Variants in RASA4B observed in about 807,000 individuals in gnomAD.
RASA4B encodes the protein RAS p21 protein activator 4B.
In RASA4B, 2 loss-of-function variants were observed where a neutral mutation model predicts 24.2. That is an observed-to-expected ratio of 0.08 (90% CI 0.03 to 0.26). The LOEUF is 0.26. Ranked by LOEUF, RASA4B falls within the 10% of genes least tolerant of loss-of-function variation. RASA4B has a pLI of 1.00. For synonymous variants in RASA4B, 2 were observed against 125.6 expected (o/e 0.02, Z 6.58); for missense variants, 8 against 277.2 (o/e 0.03, Z 6.90).
In RASA4B at chr7:102,482,142, C is replaced by T. The variant is rs1161521901; in HGVS notation, c.*1450G>A. Among the ~76,000 whole-genome samples the T allele has an allele frequency of 2.0e-5, 3 of 151,410 alleles. No homozygotes were observed. The highest frequency in any genetic ancestry group is 7.3e-5 in the African/African-American group (3 of 41,350). On this transcript the variant is annotated 3_prime_UTR_variant, in exon 21 of 21. Coordinates refer to ENST00000465829, the MANE Select transcript of RASA4B (RefSeq NM_001367767.2). ...GCCCACCCTGCCCCGGGGCGGCCCA[C>T]AGTAGCAGCGGCTGGTGGTCCCTGC...
intron 4 of RASA4B, among the ~76,000 whole-genome samples, chr7:102,508,005 GC>G (rs1199898002): frequency 9.6e-4 from 69 of 72,072 alleles, no homozygotes; most frequent in Middle Eastern, 4.6e-3. Context: ...GAAGGCAGGA[GC>G]TGCCCAAGGT....
chr7:102,506,617 AG>A (rs1391437978), intron 5 of RASA4B, 77 bp downstream of exon 5: 12 of 282,318 alleles, frequency 4.3e-5, no homozygotes, highest in African/African-American at 1.1e-4. Flanking sequence ...AGGTGGGGCG[AG>A]GGGGGGCTCA....
intron 1 of RASA4B, among the ~76,000 whole-genome samples, chr7:102,512,706 G>A (rs1307732445): frequency 1.2e-4 from 16 of 135,754 alleles, no homozygotes; most frequent in Admixed American, 2.2e-4. Flanking sequence ...AGACTGAGGG[G>A]GTGAGAGAGG....
chr7:102,481,014 T>C lies in RASA4B; in HGVS notation c.*2578A>G, dbSNP rs1798598440. Reference sequence around the variant, plus strand: ...AATTTCCAATTGCCTCATAAAAAGATCATTTCTTAACATTTTGTTTTGTTG... The same window carrying C: ...AATTTCCAATTGCCTCATAAAAAGACCATTTCTTAACATTTTGTTTTGTTG... On this transcript the variant is annotated 3_prime_UTR_variant, in exon 21 of 21. Coordinates refer to ENST00000465829, the MANE Select transcript of RASA4B (RefSeq NM_001367767.2). Among the ~76,000 whole-genome samples the C allele has an allele frequency of 1.1e-5, 1 of 91,744 alleles. No individual in the cohort carries two copies. The highest frequency in any genetic ancestry group is 3.1e-5 in the African/African-American group (1 of 32,464). The allele number at this position is 91,744 out of a possible 152,430, so 60.2% of individuals were successfully genotyped here.
At chr7:102,484,626 A>G (rs1798645033) in intron 19 of RASA4B, among the ~76,000 whole-genome samples, 1 of 127,508 alleles carries the variant, frequency 7.8e-6, no homozygotes, top group Admixed American at 8.7e-5. Flanking sequence ...TCCTGGCACC[A>G]GCCACATCTC....
At chr7:102,498,194 C>T (rs1305587322) in intron 8 of RASA4B, among the ~76,000 whole-genome samples, 3 of 145,176 alleles carry the variant, frequency 2.1e-5, no homozygotes, top group Non-Finnish European at 3.1e-5. Flanking sequence ...CCACCATACC[C>T]GGCCTAAATT....
chr7:102,512,998 A>G (rs62484827), intron 1 of RASA4B, among the ~76,000 whole-genome samples: 7,060 of 125,900 alleles, frequency 0.056, 2 homozygotes, highest in Middle Eastern at 0.096. Flanking sequence ...ATGCCCTCCT[A>G]CCCCATCCCT....
At chr7:102,502,735 G>A (rs1349342541) in intron 6 of RASA4B, among the ~76,000 whole-genome samples, 8 of 128,272 alleles carry the variant, frequency 6.2e-5, no homozygotes, top group African/African-American at 2.1e-4. Context: ...ACTCCAGCCT[G>A]GGTGACAGGG....
At chr7:102,504,556 A>G (rs1799427627) in intron 5 of RASA4B, among the ~76,000 whole-genome samples, 1 of 30,176 alleles carries the variant, frequency 3.3e-5, no homozygotes, top group African/African-American at 7.5e-5. Flanking sequence ...TCATTCCTAT[A>G]ATCCCAGCAC....
chr7:102,498,288 G>A (rs1397308353), intron 8 of RASA4B, among the ~76,000 whole-genome samples: 8 of 150,756 alleles, frequency 5.3e-5, no homozygotes, highest in African/African-American at 1.7e-4. Flanking sequence ...CTGAGATGGA[G>A]TCCTGCTCTG....
rs1413129426 is a variant in RASA4B at position 102,505,791 on chromosome 7, CAG to C, written c.428+902_428+903del. On this transcript the variant is annotated intron_variant, in intron 5 of 20. Coordinates refer to ENST00000465829, the MANE Select transcript of RASA4B (RefSeq NM_001367767.2). ...CGGAAGGGAAGACGCTTCTCACGGA[CAG>C]AGTGTGACTCAGACCCAGGCCCAGA... 4.5e-5 allele frequency among the ~76,000 whole-genome samples: 4 copies of C among 88,672 alleles called. No homozygotes were observed. The East Asian group carries it at 1.5e-3, about 34-fold the overall frequency. The allele number at this position is 88,672 out of a possible 152,430, so 58.2% of individuals were successfully genotyped here.
chr7:102,498,640 C>T lies in RASA4B; in HGVS notation c.738-1676G>A, dbSNP rs1350807489. Among the ~76,000 whole-genome samples, 82 of 128,714 alleles carry T rather than the reference C, an allele frequency of 6.4e-4. 1 individual carries two copies. Among genetic ancestry groups the T allele is most frequent in the Middle Eastern group, 4.7e-3 (1 of 214 alleles). 84.4% of individuals were successfully genotyped at this position (128,714 alleles called of 152,430 possible). On this transcript the variant is annotated intron_variant, in intron 8 of 20. Transcript: ENST00000465829. The stretch of plus-strand genomic sequence containing the variant: ...TCTCGGCTCACTGCAACCTCCGTCT[C>T]CTGGGTTCCAGCAATTATCCTGCTT...
intron 17 of RASA4B, among the ~76,000 whole-genome samples, chr7:102,490,065 T>C (rs1430068645): frequency 1.8e-5 from 1 of 56,570 alleles, no homozygotes; most frequent in Non-Finnish European, 3.4e-5. Flanking sequence ...ACTACAGGCA[T>C]GAGCCGACAT....
rs1319129592 is a variant in RASA4B, at chr7:102,480,506, C to A, written c.*3086G>T. ...TGTATACTTTTTAAGCTTTTTTATT[C>A]TTGAAAAGTTCAAAGATATACAAAG... On this transcript the variant is annotated 3_prime_UTR_variant, in exon 21 of 21. Transcript: ENST00000465829. Among the ~76,000 whole-genome samples, 1 of 123,708 alleles carries A rather than the reference C, an allele frequency of 8.1e-6. No homozygotes were observed. Among genetic ancestry groups the A allele is most frequent in the Non-Finnish European group, 1.7e-5 (1 of 57,648 alleles). 81.2% of individuals were successfully genotyped at this position (123,708 alleles called of 152,430 possible). A position where few individuals can be genotyped will look rare whatever the true frequency, so the allele number is the denominator to read the frequency against.
chr7:102,489,699 G>A (rs1297715861), intron 17 of RASA4B, among the ~76,000 whole-genome samples: 18 of 148,388 alleles, frequency 1.2e-4, no homozygotes, highest in African/African-American at 3.9e-4. Context: ...AGGACAGACC[G>A]CTCCCTGCTA....
At chr7:102,489,736 C>T (rs1798852324) in intron 17 of RASA4B, among the ~76,000 whole-genome samples, 1 of 146,672 alleles carries the variant, frequency 6.8e-6, no homozygotes, top group South Asian at 2.2e-4. Context: ...CTCCCTTGCT[C>T]CCTTAGTCCC....
chr7:102,489,638 AC>A (rs1244412624), intron 17 of RASA4B, among the ~76,000 whole-genome samples: 2 of 149,408 alleles, frequency 1.3e-5, no homozygotes, highest in Non-Finnish European at 3.0e-5. Flanking sequence ...GACTACAGGC[AC>A]CCACCACCAC....
At chr7:102,489,425 A>C in intron 17 of RASA4B, among the ~76,000 whole-genome samples, 1 of 130,526 alleles carries the variant, frequency 7.7e-6, no homozygotes, top group East Asian at 2.8e-4. Context: ...TCACCCTCCT[A>C]CAAGGTCCCT....
At position 102,481,677 on chromosome 7, in the gene RASA4B, A is replaced by C. The variant is rs530148580; in HGVS notation, c.*1915T>G. On this transcript the variant is annotated 3_prime_UTR_variant, in exon 21 of 21. Coordinates refer to ENST00000465829, the MANE Select transcript of RASA4B (RefSeq NM_001367767.2). ...TGAGACTCTGTCTCAAAAAAAAAAA[A>C]AAAAAAAATTATAAAGTTCCCCTTC... is the stretch of plus-strand genomic sequence containing the variant. Among the ~76,000 whole-genome samples, 71 of 72,832 alleles carry C rather than the reference A, an allele frequency of 9.7e-4. 3 individuals carry two copies. Among genetic ancestry groups the C allele is most frequent in the Middle Eastern group, 0.015 (2 of 134 alleles). 47.8% of individuals were successfully genotyped at this position (72,832 alleles called of 152,430 possible). A position where few individuals can be genotyped will look rare whatever the true frequency, so the allele number is the denominator to read the frequency against.
Sources: gnomAD v4.1 joint callset for allele counts (sites outside exome capture counted in the v4.1 genomes callset) on GRCh38, gnomAD v4.1.1 for gene constraint, MANE v1.5 for transcripts, NCBI Gene and HGNC (gene_info 2026-07-23, HGNC 2026-07-21) for gene names.